SMAD1: variants seen among roughly 807,000 people sequenced by gnomAD.
SMAD1 encodes SMAD family member 1.
Under a neutral mutation model 41.6 loss-of-function variants are expected in SMAD1, and 6 were observed. The ratio of observed to expected loss-of-function variants is 0.14; its 90% CI spans 0.08 to 0.28. The LOEUF (loss-of-function observed/expected upper bound fraction) is 0.28, where lower values mean the gene tolerates loss of function less well. Among genes scored for constraint, SMAD1 ranks in the 10% least tolerant of loss-of-function variants. The probability of loss-of-function intolerance (pLI) is 1.00; values close to 1 mark genes in which losing one functional copy is unlikely to be tolerated. For synonymous variants in SMAD1, 206 were observed against 203.2 expected, an observed-to-expected ratio of 1.01 and a Z score of -0.12; for missense variants, 379 against 582.6, an observed-to-expected ratio of 0.65 and a Z score of 3.60.
rs1300910971 is a variant in SMAD1, at chr4:145,546,718, C to A, written c.791C>A (p.Ala264Asp). 3 of 1,612,976 alleles carry A rather than the reference C, an allele frequency of 1.9e-6. No homozygotes were observed. In the African/African-American group the frequency reaches 4.0e-5, roughly 22 times the overall value. Residue 264 changes from alanine to aspartate, a missense_variant, in exon 5 of 7, where the codon GCT becomes GAT. By Grantham distance (126) the Ala-to-Asp change is moderately radical. Coordinates refer to ENST00000302085, the MANE Select transcript of SMAD1 (RefSeq NM_005900.3). ...TTTCCTCTAGATGTTCAGGCGGTTG[C>A]TTATGAGGAACCAAAACACTGGTGC... Reference protein sequence around the residue: ...EINRGDVQAVAYEEPKHWCSI... With the variant: ...EINRGDVQAVDYEEPKHWCSI...
intron 1 of SMAD1, among the ~76,000 whole-genome samples, chr4:145,503,607 G>C (rs1729592843): frequency 6.6e-6 from 1 of 152,122 alleles, no homozygotes; most frequent in African/African-American, 2.4e-5. Context: ...AGGAATGCAG[G>C]CACTTCACCT....
At chr4:145,490,375 G>A (rs1352636089) in intron 1 of SMAD1, among the ~76,000 whole-genome samples, 1 of 152,194 alleles carries the variant, frequency 6.6e-6, no homozygotes, top group Non-Finnish European at 1.5e-5. Context: ...CACTGGGATG[G>A]TGAGGAGGAA....
At chr4:145,516,629 C>T (rs17020281) in intron 2 of SMAD1, among the ~76,000 whole-genome samples, 2,074 of 152,270 alleles carry the variant, frequency 0.014, 45 homozygotes, top group African/African-American at 0.046. Flanking sequence ...TGGATATAGA[C>T]GTTCTTTACT....
intron 1 of SMAD1, among the ~76,000 whole-genome samples, chr4:145,496,101 C>T (rs1435867731): frequency 6.6e-6 from 1 of 151,682 alleles, no homozygotes; most frequent in African/African-American, 2.4e-5. Context: ...GTCACTGCTG[C>T]CTTGATAAAA....
intron 2 of SMAD1, among the ~76,000 whole-genome samples, chr4:145,518,502 T>A (rs7677863): frequency 0.18 from 16,028 of 87,676 alleles, 3,868 homozygotes; most frequent in African/African-American, 0.41. Context: ...AAAAAAAAAA[T>A]AAAAATGTGC....
chr4:145,540,184 T>A (rs1481009769), intron 3 of SMAD1, 123 bp downstream of exon 3: 1 of 1,073,460 alleles, frequency 9.3e-7, no homozygotes. Context: ...GACATAGTGC[T>A]CTCGCACTTT....
In SMAD1 at chr4:145,514,113, G is replaced by C. The variant is rs1393673488; in HGVS notation, c.-176-325G>C. Among the ~76,000 whole-genome samples the C allele has an allele frequency of 6.6e-6, 1 of 152,176 alleles. No individual in the cohort carries two copies. Among genetic ancestry groups the C allele is most frequent in the Middle Eastern group, 3.2e-3 (1 of 316 alleles). ...AGGGCTCTCTTCCTGGCTTGCAGAT[G>C]ATCACCTTCTTGCAGTACCCTCAGT... is the stretch of plus-strand genomic sequence containing the variant. On this transcript the variant is annotated intron_variant, in intron 1 of 6. Transcript: ENST00000302085. The surrounding 1 kb of genome is among the most constrained non-coding windows in gnomAD (Gnocchi z 4.7).
At chr4:145,540,735 A>G (rs1406828261) in intron 3 of SMAD1, among the ~76,000 whole-genome samples, 3 of 138,078 alleles carry the variant, frequency 2.2e-5, no homozygotes, top group African/African-American at 8.0e-5. Context: ...AAGCATCTCC[A>G]AAAAAAAAAA....
intron 1 of SMAD1, among the ~76,000 whole-genome samples, chr4:145,491,680 T>C (rs1055713513): frequency 5.3e-5 from 8 of 152,204 alleles, no homozygotes; most frequent in Non-Finnish European, 1.2e-4. Context: ...AGTAGAGTTA[T>C]AAGAGGCAGG....
chr4:145,537,192 T>C (rs1728775049), intron 2 of SMAD1, among the ~76,000 whole-genome samples: 1 of 152,208 alleles, frequency 6.6e-6, no homozygotes, highest in South Asian at 2.1e-4. Flanking sequence ...AGTTGGAATA[T>C]GATTTTATAT....
intron 5 of SMAD1, among the ~76,000 whole-genome samples, chr4:145,553,157 C>T (rs541608692): frequency 5.3e-5 from 8 of 151,814 alleles, no homozygotes; most frequent in South Asian, 4.2e-4. Context: ...GCAACCTGTC[C>T]ACCATGGCTT....
chr4:145,523,124 G>A (rs916497824), intron 2 of SMAD1, among the ~76,000 whole-genome samples: 1 of 152,104 alleles, frequency 6.6e-6, no homozygotes, highest in South Asian at 2.1e-4. Flanking sequence ...GTGTTCCTGC[G>A]TGTCTAAATT....
At chr4:145,533,124 C>T (rs1407895796) in intron 2 of SMAD1, among the ~76,000 whole-genome samples, 2 of 152,190 alleles carry the variant, frequency 1.3e-5, no homozygotes, top group African/African-American at 2.4e-5. Flanking sequence ...TAGAGCAGCA[C>T]GTGTGTGTAG....
intron 1 of SMAD1, among the ~76,000 whole-genome samples, chr4:145,500,300 A>G (rs926589793): frequency 2.0e-5 from 3 of 151,826 alleles, no homozygotes; most frequent in Admixed American, 6.6e-5. Flanking sequence ...TTCCATCTCA[A>G]TTTGGGTCAA....
chr4:145,493,848 G>A (rs1339888209), intron 1 of SMAD1, among the ~76,000 whole-genome samples: 1 of 152,248 alleles, frequency 6.6e-6, no homozygotes, highest in Admixed American at 6.5e-5. Flanking sequence ...TAATTGGTAA[G>A]AGGAGATTAT....
Position 145,532,697 on chromosome 4 carries a change from G to A in SMAD1, c.401-7107G>A, listed in dbSNP as rs540070707. The stretch of plus-strand genomic sequence containing the variant: ...AAGTTACCAAACAAGGGTCACCTTA[G>A]TGCACTAAGAAAGTGGTTCCCCAGA... On this transcript the variant is annotated intron_variant, in intron 2 of 6. Coordinates refer to ENST00000302085, the MANE Select transcript of SMAD1 (RefSeq NM_005900.3). 2.0e-5 allele frequency among the ~76,000 whole-genome samples: 3 copies of A among 152,310 alleles called. No homozygotes were observed. In the South Asian group the frequency reaches 6.2e-4, roughly 32 times the overall value.
intron 2 of SMAD1, among the ~76,000 whole-genome samples, chr4:145,538,889 C>A (rs1731767855): frequency 6.6e-6 from 1 of 152,144 alleles, no homozygotes; most frequent in Non-Finnish European, 1.5e-5. Flanking sequence ...TGACTGTTAG[C>A]CAGCCCTGCC....
At position 145,514,099 on chromosome 4, in the gene SMAD1, C is replaced by T. The variant is rs1349113892; in HGVS notation, c.-176-339C>T. Among the ~76,000 whole-genome samples, 3 of 152,136 alleles carry T rather than the reference C, an allele frequency of 2.0e-5. No homozygotes were observed. In the South Asian group the frequency reaches 6.2e-4, roughly 32 times the overall value. On this transcript the variant is annotated intron_variant, in intron 1 of 6. Coordinates refer to ENST00000302085, the MANE Select transcript of SMAD1 (RefSeq NM_005900.3). This position sits in a 1 kb window ranked among gnomAD's most constrained non-coding sequence, Gnocchi z 4.7. ...TACAGGCTCTGGTGAGGGCTCTCTT[C>T]CTGGCTTGCAGATGATCACCTTCTT...
chr4:145,549,680 G>A (rs1578828352), intron 5 of SMAD1, among the ~76,000 whole-genome samples: 3 of 152,250 alleles, frequency 2.0e-5, no homozygotes, highest in African/African-American at 7.2e-5. Flanking sequence ...TAGAACAGTG[G>A]ACCAGATTAA....
Sources: allele counts gnomAD v4.1 joint callset (sites outside exome capture counted in the v4.1 genomes callset), GRCh38; gene constraint gnomAD v4.1.1; non-coding constraint Gnocchi (gnomAD v3.1); transcripts MANE v1.5; gene names NCBI Gene and HGNC (gene_info 2026-07-23, HGNC 2026-07-21).